HPSE2: variants seen among roughly 807,000 people sequenced by gnomAD.
HPSE2 encodes the protein inactive heparanase-2.
In HPSE2, 38 loss-of-function variants were observed where a neutral mutation model predicts 60.5. That is an observed-to-expected ratio of 0.63 (90% confidence interval 0.48 to 0.82). The LOEUF is 0.82. HPSE2 is among the 40% of genes least tolerant of loss of function. HPSE2 has a pLI of 0.00. For missense variants in HPSE2, 713 were observed against 740.4 expected (o/e 0.96, Z 0.43); for synonymous variants, 295 against 293.2 (o/e 1.01, Z -0.06).
At chr10:99,043,341 G>A (rs1957784744) in intron 3 of HPSE2, among the ~76,000 whole-genome samples, 1 of 152,086 alleles carries the variant, frequency 6.6e-6, no homozygotes, top group South Asian at 2.1e-4. Flanking sequence ...AAAATTAGCT[G>A]GGCGTGGTGG....
intron 3 of HPSE2, among the ~76,000 whole-genome samples, chr10:99,084,950 A>C (rs1173777004): frequency 6.6e-6 from 1 of 152,108 alleles, no homozygotes; most frequent in Non-Finnish European, 1.5e-5. Context: ...CATACGTCAC[A>C]CCTCCAGCTC....
At chr10:98,852,113 A>ATATGTGTGTGTGTG (rs779720749) in intron 3 of HPSE2, among the ~76,000 whole-genome samples, 125 of 91,932 alleles carry the variant, frequency 1.4e-3, no homozygotes, top group East Asian at 5.3e-3. Flanking sequence ...GTATATTATG[A>ATATGTGTGTGTGTG]TGTGTGTGTG....
chr10:99,183,029 C>G (rs1847837631), intron 2 of HPSE2, among the ~76,000 whole-genome samples: 1 of 151,966 alleles, frequency 6.6e-6, no homozygotes, highest in Non-Finnish European at 1.5e-5. Flanking sequence ...TATAGGTAAA[C>G]AGAAAGTGCA....
chr10:98,864,740 C>T (rs940156149), intron 3 of HPSE2, among the ~76,000 whole-genome samples: 5 of 152,102 alleles, frequency 3.3e-5, no homozygotes, highest in African/African-American at 1.2e-4. Flanking sequence ...TGTGTATGAC[C>T]AGGTTTTTTT....
chr10:98,951,113 A>C (rs1373489606), intron 3 of HPSE2, among the ~76,000 whole-genome samples: 2 of 152,328 alleles, frequency 1.3e-5, no homozygotes, highest in East Asian at 3.9e-4. Context: ...AAGATGAGGA[A>C]GAAGATGAAA....
intron 3 of HPSE2, among the ~76,000 whole-genome samples, chr10:98,972,015 T>C (rs4917851): frequency 0.15 from 23,527 of 152,138 alleles, 2,767 homozygotes; most frequent in African/African-American, 0.32. Context: ...GTATCTATAG[T>C]TATTATTAAT....
At chr10:99,298,595 T>C in the HPSE2 span, among the ~76,000 whole-genome samples, 1 of 152,166 alleles carries the variant, frequency 6.6e-6, no homozygotes, top group Non-Finnish European at 1.5e-5. Flanking sequence ...TGGTTCTTTG[T>C]CATAATGATA....
intron 3 of HPSE2, among the ~76,000 whole-genome samples, chr10:99,066,208 T>C (rs954587839): frequency 1.3e-5 from 2 of 152,188 alleles, no homozygotes; most frequent in African/African-American, 4.8e-5. Flanking sequence ...TACAAACTGT[T>C]ACTACATCTT....
intron 3 of HPSE2, among the ~76,000 whole-genome samples, chr10:98,983,251 A>G (rs1031954222): frequency 1.3e-5 from 2 of 152,300 alleles, no homozygotes; most frequent in Non-Finnish European, 2.9e-5. Context: ...ATAATGTAGA[A>G]TCAGTGGGAG....
At chr10:99,174,880 G>T (rs1847460647) in intron 2 of HPSE2, among the ~76,000 whole-genome samples, 1 of 152,208 alleles carries the variant, frequency 6.6e-6, no homozygotes, top group Admixed American at 6.5e-5. Context: ...CAACGCAGAA[G>T]GCAGGTGATT....
chr10:98,695,867 G>T (rs1487278327), intron 5 of HPSE2, among the ~76,000 whole-genome samples: 1 of 152,158 alleles, frequency 6.6e-6, no homozygotes, highest in Non-Finnish European at 1.5e-5. Flanking sequence ...AAAGACTCAT[G>T]CAGTATTTGC....
At chr10:99,179,067 C>T (rs1321803761) in intron 2 of HPSE2, among the ~76,000 whole-genome samples, 1 of 152,164 alleles carries the variant, frequency 6.6e-6, no homozygotes, top group Non-Finnish European at 1.5e-5. Context: ...CAAAATTCAA[C>T]ACCCCTTCAT....
intron 9 of HPSE2, among the ~76,000 whole-genome samples, chr10:98,505,497 C>T (rs113241968): frequency 8.5e-5 from 13 of 152,182 alleles, no homozygotes; most frequent in Non-Finnish European, 1.5e-4. Flanking sequence ...ACTATACTCC[C>T]TCCACCAGTG....
chr10:99,066,910 G>A (rs1351041462), intron 3 of HPSE2, among the ~76,000 whole-genome samples: 7 of 152,082 alleles, frequency 4.6e-5, no homozygotes, highest in Non-Finnish European at 1.0e-4. Flanking sequence ...GACAAGGTAA[G>A]TCCTTTCCAC....
intron 3 of HPSE2, among the ~76,000 whole-genome samples, chr10:98,859,064 G>A (rs1564615825): frequency 6.6e-6 from 1 of 152,176 alleles, no homozygotes; most frequent in Non-Finnish European, 1.5e-5. Context: ...GAGTAGCTAG[G>A]ACCATAGGTG....
intron 7 of HPSE2, 42 bp downstream of exon 7, chr10:98,641,805 C>G: frequency 7.1e-7 from 1 of 1,417,948 alleles, no homozygotes; most frequent in Non-Finnish European, 1.0e-6. Flanking sequence ...CTTGTCTTAC[C>G]CCCAGAATCG....
At chr10:99,315,267 T>A in the HPSE2 span, among the ~76,000 whole-genome samples, 2 of 152,148 alleles carry the variant, frequency 1.3e-5, no homozygotes, top group Admixed American at 1.3e-4. Context: ...GTGACAAGAG[T>A]ACGGGTACTG....
In HPSE2 at chr10:99,204,472, A is replaced by T. The variant is rs72840387; in HGVS notation, c.448+27876T>A. On this transcript the variant is annotated intron_variant, in intron 2 of 11. Coordinates refer to ENST00000370552, the MANE Select transcript of HPSE2 (RefSeq NM_021828.5). ...AGTTCCTACTTCACAAAATGCACAG[A>T]CATCAATGTAAGGTAACAGGAAACA... is the stretch of plus-strand genomic sequence containing the variant. Among the ~76,000 whole-genome samples the T allele has an allele frequency of 6.7e-3, 1,027 of 152,374 alleles. 8 individuals carry two copies. Among genetic ancestry groups the T allele is most frequent in the South Asian group, 0.029 (138 of 4,832 alleles).
intron 3 of HPSE2, among the ~76,000 whole-genome samples, chr10:98,756,007 A>G (rs1172065614): frequency 1.3e-5 from 2 of 152,118 alleles, no homozygotes; most frequent in African/African-American, 2.4e-5. Context: ...AAAAACAAAA[A>G]ACAAACAAAA....
Sources: allele counts gnomAD v4.1 joint callset (sites outside exome capture counted in the v4.1 genomes callset), GRCh38; gene constraint gnomAD v4.1.1; transcripts MANE v1.5; gene names NCBI Gene and HGNC (gene_info 2026-07-23, HGNC 2026-07-21).